FBXL4: variants seen among roughly 807,000 people sequenced by gnomAD.
FBXL4 encodes F-box and leucine rich repeat protein 4.
A neutral mutation model predicts 58.9 loss-of-function variants in FBXL4; 40 were observed. That is an observed-to-expected ratio of 0.68 (90% confidence interval 0.53 to 0.88). The LOEUF is 0.88. FBXL4 is among the 40% of genes least tolerant of loss of function. The pLI is 0.00. For missense variants in FBXL4, 676 were observed against 734.4 expected (o/e 0.92, Z 0.92); for synonymous variants, 263 against 265.5 (o/e 0.99, Z 0.09).
chr6:98,909,674 G>A (rs138851254), intron 5 of FBXL4, among the ~76,000 whole-genome samples: 1 of 152,168 alleles, frequency 6.6e-6, no homozygotes, highest in Admixed American at 6.5e-5. Flanking sequence ...TCCCACTGCT[G>A]CAACAACAGA....
chr6:98,936,755 G>C (rs1773234722), intron 1 of FBXL4, among the ~76,000 whole-genome samples: 1 of 152,144 alleles, frequency 6.6e-6, no homozygotes, highest in Non-Finnish European at 1.5e-5. Context: ...GCTATTCAGT[G>C]GTAGTTAAGC....
In FBXL4 at chr6:98,873,004, T is replaced by C. The variant is rs545119594; in HGVS notation, c.*1274A>G. ...TCATGTGACTACTGAACACTTGACA[T>C]ACATCGTTTTGTTAAAAAAATGAAT... On this transcript the variant is annotated 3_prime_UTR_variant, in exon 10 of 10. Transcript: ENST00000369244. 3 of 152,222 alleles carry C rather than the reference T, an allele frequency of 2.0e-5. No individual in the cohort carries two copies. Among genetic ancestry groups the C allele is most frequent in the Admixed American group, 2.0e-4 (3 of 15,274 alleles). The allele number at this position is 152,222 out of a possible 1,614,324, so 9.4% of individuals were successfully genotyped here.
At chr6:98,894,559 T>C (rs1771346894) in intron 7 of FBXL4, among the ~76,000 whole-genome samples, 1 of 151,974 alleles carries the variant, frequency 6.6e-6, no homozygotes. Flanking sequence ...TCTAAAAAGG[T>C]TTCCCAACAC....
chr6:98,883,925 T>A lies in FBXL4; in HGVS notation c.1318-3301A>T, dbSNP rs1003891209. ...CACCTTAAAGGTTTTAGTTTTTACC[T>A]TTTAGAAATAATACAAAAAGATTAA... On this transcript the variant is annotated intron_variant, in intron 7 of 9. Coordinates refer to ENST00000369244, the MANE Select transcript of FBXL4 (RefSeq NM_001278716.2). Among the ~76,000 whole-genome samples, 13 of 151,790 alleles carry A rather than the reference T, an allele frequency of 8.6e-5. 1 individual carries two copies. Among genetic ancestry groups the A allele is most frequent in the Non-Finnish European group, 7.4e-5 (5 of 67,880 alleles).
chr6:98,945,147 C>T (rs1209303470), intron 1 of FBXL4, among the ~76,000 whole-genome samples: 1 of 152,170 alleles, frequency 6.6e-6, no homozygotes, highest in Non-Finnish European at 1.5e-5. Flanking sequence ...TCTGACCTAG[C>T]AATTCCATAT....
At chr6:98,895,088 A>G (rs1021377269) in intron 7 of FBXL4, among the ~76,000 whole-genome samples, 2 of 152,094 alleles carry the variant, frequency 1.3e-5, no homozygotes, top group Non-Finnish European at 2.9e-5. Context: ...ACAACACATC[A>G]TTTTACATGT....
At chr6:98,879,813 C>T (rs1352855241) in intron 8 of FBXL4, among the ~76,000 whole-genome samples, 1 of 150,590 alleles carries the variant, frequency 6.6e-6, no homozygotes, top group Admixed American at 6.6e-5. Flanking sequence ...CATAGTGGTA[C>T]ATCCCTGTAA....
intron 7 of FBXL4, among the ~76,000 whole-genome samples, chr6:98,887,641 G>C (rs759327270): frequency 1.3e-5 from 2 of 151,796 alleles, no homozygotes; most frequent in Non-Finnish European, 2.9e-5. Context: ...GCTTGAAAAG[G>C]AATTAACATA....
At chr6:98,938,418 T>A (rs768564033) in intron 1 of FBXL4, among the ~76,000 whole-genome samples, 1 of 152,190 alleles carries the variant, frequency 6.6e-6, no homozygotes, top group Non-Finnish European at 1.5e-5. Flanking sequence ...GAGTTCTGGG[T>A]GGCCAGGGAC....
At chr6:98,933,988 A>G (rs1461772713) in intron 2 of FBXL4, among the ~76,000 whole-genome samples, 1 of 152,224 alleles carries the variant, frequency 6.6e-6, no homozygotes, top group African/African-American at 2.4e-5. Context: ...AAGCCATCCA[A>G]GAAGGAATAG....
chr6:98,926,513 GC>G lies in FBXL4; in HGVS notation c.475del (p.Ala159GlnfsTer12). 1 of 1,612,378 alleles carries G rather than the reference GC, an allele frequency of 6.2e-7. No individual in the cohort carries two copies. On this transcript the variant is annotated frameshift_variant, in exon 4 of 10. Coordinates refer to ENST00000369244, the MANE Select transcript of FBXL4 (RefSeq NM_001278716.2). LOFTEE classifies it high-confidence loss of function. ...TGGTGGATTTGGGGAATAAGGATTT[GC>G]AGAACAAGCGAGAATTCTAATGACT... The part of the protein sequence containing the change: ...GAVIRILACS[A>X]NPYSPNPPAE...
rs781764155 is a variant in FBXL4, at chr6:98,869,068, G to C, written c.*5210C>G. ...TATTGCCAAAAAAATGATTCTAACA[G>C]TTATGGTTTTACACTCACAGCCTAG... On this transcript the variant is annotated 3_prime_UTR_variant, in exon 10 of 10. Coordinates refer to ENST00000369244, the MANE Select transcript of FBXL4 (RefSeq NM_001278716.2). 9.2e-5 allele frequency: 14 copies of C among 152,194 alleles called. No individual in the cohort carries two copies. Among genetic ancestry groups the C allele is most frequent in the Non-Finnish European group, 1.9e-4 (13 of 68,016 alleles). 9.4% of individuals were successfully genotyped at this position (152,194 alleles called of 1,614,324 possible).
chr6:98,924,331 C>G (rs192054069), intron 4 of FBXL4, among the ~76,000 whole-genome samples: 1 of 152,108 alleles, frequency 6.6e-6, no homozygotes, highest in Non-Finnish European at 1.5e-5. Flanking sequence ...CCGAGGCAGG[C>G]GGATCACCTG....
intron 8 of FBXL4, among the ~76,000 whole-genome samples, chr6:98,880,170 A>T (rs2128378662): frequency 1.3e-5 from 2 of 152,268 alleles, no homozygotes; most frequent in South Asian, 4.1e-4. Context: ...CAAGAAAAGT[A>T]TCTCAGGATT....
intron 5 of FBXL4, among the ~76,000 whole-genome samples, chr6:98,913,321 C>A (rs1306835395): frequency 6.6e-6 from 1 of 152,056 alleles, no homozygotes; most frequent in East Asian, 1.9e-4. Flanking sequence ...CGGCATCAAG[C>A]GGACCTAATA....
chr6:98,898,751 G>C, intron 7 of FBXL4: 1 of 985,084 alleles, frequency 1.0e-6, no homozygotes, highest in Non-Finnish European at 1.2e-6. Flanking sequence ...AAAAGAGTTA[G>C]ATAATATATG....
Position 98,905,550 on chromosome 6 carries a change from G to C in FBXL4, c.979C>G (p.Pro327Ala), listed in dbSNP as rs1771774560. The part of the protein sequence containing the change: ...PLQYIHLNLQ[P>A]YWAKLDDTSL... ...GTGTCATCTAGTTTTGCCCAGTATGGTTGCAGATTGAGGTGGATGTATTGC... is the reference window on the plus strand; with the variant it reads ...GTGTCATCTAGTTTTGCCCAGTATGCTTGCAGATTGAGGTGGATGTATTGC... The change falls in exon 6 of 10, where the codon CCA becomes GCA. Residue 327 changes from proline (P) to alanine (A), a missense_variant. Transcript: ENST00000369244. 1.2e-6 allele frequency: 2 copies of C among 1,613,900 alleles called. No individual in the cohort carries two copies. The highest frequency in any genetic ancestry group is 2.7e-5 in the African/African-American group (2 of 74,896).
chr6:98,884,656 C>A (rs558176971), intron 7 of FBXL4, among the ~76,000 whole-genome samples: 4 of 152,270 alleles, frequency 2.6e-5, no homozygotes, highest in South Asian at 4.1e-4. Context: ...AATTACATCA[C>A]AATCTGTCTA....
intron 1 of FBXL4, among the ~76,000 whole-genome samples, chr6:98,946,465 C>T (rs1773622315): frequency 6.6e-6 from 1 of 152,154 alleles, no homozygotes; most frequent in African/African-American, 2.4e-5. Context: ...AGAATGTTAA[C>T]CGCAGCAACA....
Sources: gnomAD v4.1 joint callset for allele counts (sites outside exome capture counted in the v4.1 genomes callset) on GRCh38, gnomAD v4.1.1 for gene constraint, MANE v1.5 for transcripts, NCBI Gene and HGNC (gene_info 2026-07-23, HGNC 2026-07-21) for gene names.